TPP2: variants seen among roughly 807,000 people sequenced by gnomAD.
TPP2 encodes the protein tripeptidyl peptidase 2.
Under a neutral mutation model 155.9 loss-of-function variants are expected in TPP2, and 34 were observed. The ratio of observed to expected loss-of-function variants is 0.22; its 90% CI spans 0.17 to 0.29. The LOEUF (loss-of-function observed/expected upper bound fraction) is 0.29, where lower values mean the gene tolerates loss of function less well. Among genes scored for constraint, TPP2 ranks in the 10% least tolerant of loss-of-function variants. The probability of loss-of-function intolerance (pLI) is 1.00; values close to 1 mark genes in which losing one functional copy is unlikely to be tolerated. For synonymous variants in TPP2, 510 were observed against 529.4 expected (o/e 0.96, Z 0.50); for missense variants, 1,028 against 1,522.3 (o/e 0.68, Z 5.40).
intron 14 of TPP2, 118 bp from the exon 15 acceptor site, chr13:102,638,121 C>G: frequency 1.1e-6 from 1 of 932,780 alleles, no homozygotes; most frequent in Non-Finnish European, 1.7e-6. Flanking sequence ...TGGTGTCAAC[C>G]TCTGGTTAAG....
intron 10 of TPP2, 76 bp from the exon 11 acceptor site, chr13:102,633,874 C>T (rs1595168400): frequency 1.3e-6 from 2 of 1,591,134 alleles, no homozygotes; most frequent in Non-Finnish European, 1.7e-6. Context: ...TGGATTTAAC[C>T]AGTGGTCGTC....
At chr13:102,598,571 A>G (rs991491554) in intron 1 of TPP2, among the ~76,000 whole-genome samples, 7 of 152,210 alleles carry the variant, frequency 4.6e-5, no homozygotes, top group East Asian at 1.9e-4. Flanking sequence ...ACTTAGAACA[A>G]TGACAGCTAT....
chr13:102,605,203 G>T (rs976578635), intron 2 of TPP2, among the ~76,000 whole-genome samples: 1 of 152,190 alleles, frequency 6.6e-6, no homozygotes, highest in African/African-American at 2.4e-5. Flanking sequence ...AGAAGAAGGG[G>T]AAGTTTGTTT....
chr13:102,635,533 C>T (rs1033155610), intron 11 of TPP2, 54 bp from the exon 12 acceptor site: 1 of 1,357,950 alleles, frequency 7.4e-7, no homozygotes, highest in Non-Finnish European at 1.0e-6. Flanking sequence ...TGGTGGGCGG[C>T]TAAGGTTTCA....
In TPP2 at chr13:102,634,111, T is replaced by C; in HGVS notation, c.1393+13T>C. On this transcript the variant is annotated intron_variant, in intron 11 of 29. Coordinates refer to ENST00000376052, the MANE Select transcript of TPP2 (RefSeq NM_001330588.2). ...CTGATCCTTTCAGGTAAGCGTGTTC[T>C]TTATTGTCCTTACATTATTGCAGAC... The C allele has an allele frequency of 6.2e-7, 1 of 1,613,944 alleles. No homozygotes were observed. The highest frequency in any genetic ancestry group is 8.5e-7 in the Non-Finnish European group (1 of 1,179,830).
chr13:102,608,594 C>A (rs1244779263), intron 2 of TPP2, among the ~76,000 whole-genome samples: 1 of 151,962 alleles, frequency 6.6e-6, no homozygotes, highest in Non-Finnish European at 1.5e-5. Context: ...AAAATTTTGC[C>A]TATTTTTAAT....
At chr13:102,622,854 C>T (rs1441234080) in intron 5 of TPP2, 23 bp from the exon 6 acceptor site, 1 of 1,587,396 alleles carries the variant, frequency 6.3e-7, no homozygotes, top group South Asian at 1.2e-5. Context: ...ATTTTACTGT[C>T]TCCATTTCTT....
chr13:102,619,950 A>G (rs1327677040), intron 5 of TPP2, among the ~76,000 whole-genome samples: 1 of 152,198 alleles, frequency 6.6e-6, no homozygotes, highest in Non-Finnish European at 1.5e-5. Flanking sequence ...TAGTGTGGGA[A>G]AGGAGGCAAG....
intron 21 of TPP2, 77 bp downstream of exon 21, chr13:102,647,421 G>C: frequency 6.5e-7 from 1 of 1,528,036 alleles, no homozygotes; most frequent in Non-Finnish European, 8.8e-7. Context: ...TCTTGTTATG[G>C]TAATGTTCAT....
intron 2 of TPP2, among the ~76,000 whole-genome samples, chr13:102,611,868 C>G (rs1039381394): frequency 2.6e-5 from 4 of 152,146 alleles, no homozygotes; most frequent in African/African-American, 7.2e-5. Flanking sequence ...GTCCCAACAC[C>G]ATGTGTTCCA....
chr13:102,670,618 T>G (rs1884911488), intron 27 of TPP2, among the ~76,000 whole-genome samples: 1 of 152,214 alleles, frequency 6.6e-6, no homozygotes, highest in South Asian at 2.1e-4. Context: ...GCATGCTCTA[T>G]TTCCTCAATT....
At chr13:102,647,418 A>T in intron 21 of TPP2, 74 bp downstream of exon 21, 1 of 1,543,158 alleles carries the variant, frequency 6.5e-7, no homozygotes, top group East Asian at 2.3e-5. Flanking sequence ...GTTTCTTGTT[A>T]TGGTAATGTT....
At chr13:102,643,414 A>G (rs1882896855) in intron 17 of TPP2, 38 bp downstream of exon 17, 6 of 1,540,470 alleles carry the variant, frequency 3.9e-6, no homozygotes, top group African/African-American at 1.4e-5. Flanking sequence ...AACACAATTT[A>G]TTTGCCTTTT....
intron 27 of TPP2, among the ~76,000 whole-genome samples, chr13:102,672,616 A>C (rs1885052673): frequency 6.6e-6 from 1 of 152,126 alleles, no homozygotes; most frequent in African/African-American, 2.4e-5. Context: ...TTGCTGTTCC[A>C]AGCCCCTTTC....
intron 2 of TPP2, among the ~76,000 whole-genome samples, chr13:102,609,392 C>CTTTTTTTTT (rs34845674): frequency 2.5e-5 from 2 of 79,838 alleles, no homozygotes; most frequent in Non-Finnish European, 4.4e-5. Context: ...AAGTGCCATG[C>CTTTTTTTTT]TTTTTTTTTT....
At chr13:102,602,140 C>T (rs11842102) in intron 1 of TPP2, among the ~76,000 whole-genome samples, 7,773 of 152,152 alleles carry the variant, frequency 0.051, 221 homozygotes, top group Non-Finnish European at 0.055. Context: ...TTTCAAATTT[C>T]ATATTGGAAT....
At position 102,643,376 on chromosome 13, in the gene TPP2, A is replaced by G; in HGVS notation, c.2175A>G (p.Leu725=). The change falls in exon 17 of 30, where the codon CTA becomes CTG. Residue 725 remains leucine, a splice_region_variant and synonymous_variant. Coordinates refer to ENST00000376052, the MANE Select transcript of TPP2 (RefSeq NM_001330588.2). Reference sequence around the variant, plus strand: ...CACTGACTGAAGCTTTTCCTGTCCTAGTAAGTTTAATTATAGTTTATAATC... The same window carrying G: ...CACTGACTGAAGCTTTTCCTGTCCTGGTAAGTTTAATTATAGTTTATAATC... ...KGTLTEAFPV[L]GGKAIEFCIA... The G allele has an allele frequency of 6.3e-7, 1 of 1,598,450 alleles. No individual in the cohort carries two copies. The highest frequency in any genetic ancestry group is 8.5e-7 in the Non-Finnish European group (1 of 1,175,144).
chr13:102,640,966 A>G (rs1476849407), intron 16 of TPP2, among the ~76,000 whole-genome samples: 1 of 152,204 alleles, frequency 6.6e-6, no homozygotes, highest in Non-Finnish European at 1.5e-5. Flanking sequence ...TTAAAATACT[A>G]CAAATCAGTT....
At chr13:102,631,303 ACTTAT>A (rs1882002482) in intron 10 of TPP2, 1 of 152,226 alleles carries the variant, frequency 6.6e-6, no homozygotes, top group South Asian at 2.1e-4. Context: ...TAAAAAATAA[ACTTAT>A]CTTAGTAGCT....
Sources: allele counts gnomAD v4.1 joint callset (sites outside exome capture counted in the v4.1 genomes callset), GRCh38; gene constraint gnomAD v4.1.1; transcripts MANE v1.5; gene names NCBI Gene and HGNC (gene_info 2026-07-23, HGNC 2026-07-21).